Variants in PPM1H observed in about 807,000 individuals in gnomAD.
PPM1H encodes the protein protein phosphatase, Mg2+/Mn2+ dependent 1H.
In PPM1H, 27 loss-of-function variants were observed where a neutral mutation model predicts 54.9. That is an observed-to-expected ratio of 0.49 (90% CI 0.36 to 0.68). The LOEUF is 0.68. Ranked by LOEUF, PPM1H falls within the 30% of genes least tolerant of loss-of-function variation. The pLI is 0.00. For missense variants in PPM1H, 596 were observed against 667.8 expected, an observed-to-expected ratio of 0.89 and a Z score of 1.19; for synonymous variants, 305 against 270.8, an observed-to-expected ratio of 1.13 and a Z score of -1.24.
chr12:62,876,512 A>C (rs545481015), intron 1 of PPM1H, among the ~76,000 whole-genome samples: 27 of 152,366 alleles, frequency 1.8e-4, no homozygotes, highest in African/African-American at 5.3e-4. Flanking sequence ...CAAGATGGTA[A>C]AAAGACTTAA....
chr12:62,877,399 A>G (rs1202959062), intron 1 of PPM1H, among the ~76,000 whole-genome samples: 3 of 152,196 alleles, frequency 2.0e-5, no homozygotes, highest in African/African-American at 7.2e-5. Context: ...CAGAGCAGTC[A>G]GTGCTCTCGG....
At chr12:62,766,574 A>AAT (rs937859762) in intron 4 of PPM1H, among the ~76,000 whole-genome samples, 3 of 152,044 alleles carry the variant, frequency 2.0e-5, no homozygotes, top group African/African-American at 7.3e-5. Context: ...AACAAAAAAA[A>AAT]AATTACCCTG....
intron 1 of PPM1H, among the ~76,000 whole-genome samples, chr12:62,928,470 C>T (rs1872038961): frequency 6.6e-6 from 1 of 152,178 alleles, no homozygotes; most frequent in Non-Finnish European, 1.5e-5. Context: ...TATGGAGGGT[C>T]ACAGAAGTAA....
rs571574232 is a variant in PPM1H at position 62,675,119 on chromosome 12, G to A, written c.1246-7790C>T. Among the ~76,000 whole-genome samples the A allele has an allele frequency of 3.3e-5, 5 of 152,270 alleles. No homozygotes were observed. In the South Asian group the frequency reaches 1.0e-3, roughly 32 times the overall value. The stretch of plus-strand genomic sequence containing the variant: ...GCAAAAGGAGCTGTTTTGGCTGCAG[G>A]TATAAATTTATACTTGAAATATGCC... On this transcript the variant is annotated intron_variant, in intron 8 of 9. Transcript: ENST00000228705.
intron 6 of PPM1H, among the ~76,000 whole-genome samples, chr12:62,715,052 G>T (rs1386626789): frequency 6.6e-6 from 1 of 152,216 alleles, no homozygotes; most frequent in Non-Finnish European, 1.5e-5. Flanking sequence ...TGAGAAAGCG[G>T]AATAGCCAGT....
At chr12:62,827,816 G>GGC (rs1868307205) in intron 2 of PPM1H, among the ~76,000 whole-genome samples, 1 of 151,980 alleles carries the variant, frequency 6.6e-6, no homozygotes, top group Non-Finnish European at 1.5e-5. Context: ...CTTCTCCTTG[G>GGC]TTGTTCCCCA....
chr12:62,931,045 G>C (rs1017139980), intron 1 of PPM1H, among the ~76,000 whole-genome samples: 7 of 152,172 alleles, frequency 4.6e-5, no homozygotes, highest in Non-Finnish European at 1.0e-4. Context: ...TAGTTCTATA[G>C]CCTATAGAGT....
At chr12:62,861,578 G>A (rs1565812661) in intron 1 of PPM1H, among the ~76,000 whole-genome samples, 1 of 152,158 alleles carries the variant, frequency 6.6e-6, no homozygotes, top group Non-Finnish European at 1.5e-5. Context: ...TCAAATACAT[G>A]TCTTATTCTC....
rs1373981031 is a variant in PPM1H at position 62,934,328 on chromosome 12, GAA to G, written c.245+162_245+163del. Among the ~76,000 whole-genome samples the G allele has an allele frequency of 6.6e-6, 1 of 152,186 alleles. No homozygotes were observed. The highest frequency in any genetic ancestry group is 2.4e-5 in the African/African-American group (1 of 41,452). The stretch of plus-strand genomic sequence containing the variant: ...GGGCTGGGGGAAGAGGGAGTGGGGA[GAA>G]GAGGGAAATGGCCAGTGTAAGTAAA... On this transcript the variant is annotated intron_variant, in intron 1 of 9. Coordinates refer to ENST00000228705, the MANE Select transcript of PPM1H (RefSeq NM_020700.2). The surrounding 1 kb of genome is among the most constrained non-coding windows in gnomAD (Gnocchi z 4.2).
chr12:62,684,080 A>G (rs1022008103), intron 8 of PPM1H, among the ~76,000 whole-genome samples: 1 of 152,196 alleles, frequency 6.6e-6, no homozygotes, highest in Non-Finnish European at 1.5e-5. Context: ...AAAAAGTTTA[A>G]TGGCAAACTT....
At chr12:62,793,537 C>T (rs1266713679) in intron 3 of PPM1H, among the ~76,000 whole-genome samples, 1 of 151,852 alleles carries the variant, frequency 6.6e-6, no homozygotes, top group East Asian at 1.9e-4. Context: ...CCAGCTTGAC[C>T]AACACGTAGA....
chr12:62,922,069 C>T (rs1377027764), intron 1 of PPM1H, among the ~76,000 whole-genome samples: 1 of 152,124 alleles, frequency 6.6e-6, no homozygotes, highest in Admixed American at 6.5e-5. Context: ...TTTAAAATAG[C>T]AGTTGTAGTC....
At chr12:62,932,860 C>A (rs1872190118) in intron 1 of PPM1H, among the ~76,000 whole-genome samples, 1 of 151,960 alleles carries the variant, frequency 6.6e-6, no homozygotes, top group Admixed American at 6.6e-5. Flanking sequence ...GTCTCGAACT[C>A]CTGACCTCAC....
chr12:62,882,159 A>G (rs1214277578), intron 1 of PPM1H, among the ~76,000 whole-genome samples: 1 of 152,252 alleles, frequency 6.6e-6, no homozygotes, highest in Non-Finnish European at 1.5e-5. Context: ...AGCTATGGTG[A>G]TGAACTCTGT....
chr12:62,712,754 TG>T, intron 6 of PPM1H, among the ~76,000 whole-genome samples: 1 of 152,286 alleles, frequency 6.6e-6, no homozygotes, highest in South Asian at 2.1e-4. Context: ...CACATAAATT[TG>T]GGCCCCAAAG....
chr12:62,933,508 AG>A (rs1328894040), intron 1 of PPM1H, among the ~76,000 whole-genome samples: 1 of 152,220 alleles, frequency 6.6e-6, no homozygotes, highest in Admixed American at 6.5e-5. Context: ...GAAAAGGCGC[AG>A]GTGTGCCAGC....
intron 1 of PPM1H, among the ~76,000 whole-genome samples, chr12:62,904,575 C>T (rs1374391070): frequency 9.2e-5 from 14 of 152,136 alleles, no homozygotes; most frequent in Admixed American, 5.9e-4. Flanking sequence ...GACCAGTAGA[C>T]AGAACGGTGC....
intron 4 of PPM1H, among the ~76,000 whole-genome samples, chr12:62,750,549 G>T (rs1017735163): frequency 6.6e-6 from 1 of 151,834 alleles, no homozygotes; most frequent in Non-Finnish European, 1.5e-5. Context: ...CATTTTTTTT[G>T]AAACAGTGAA....
At chr12:62,659,907 C>T (rs1418891923) in intron 9 of PPM1H, among the ~76,000 whole-genome samples, 2 of 152,194 alleles carry the variant, frequency 1.3e-5, no homozygotes, top group African/African-American at 2.4e-5. Flanking sequence ...CAACAATAGG[C>T]TGACCTCCTT....
Sources: allele counts gnomAD v4.1 joint callset (sites outside exome capture counted in the v4.1 genomes callset), GRCh38; gene constraint gnomAD v4.1.1; non-coding constraint Gnocchi (gnomAD v3.1); transcripts MANE v1.5; gene names NCBI Gene and HGNC (gene_info 2026-07-23, HGNC 2026-07-21).